Variants in MARK1 observed in about 807,000 individuals in gnomAD.
The protein encoded by MARK1 is serine/threonine-protein kinase MARK1.
Under a neutral mutation model 96.3 loss-of-function variants are expected in MARK1, and 40 were observed. The observed-to-expected ratio is 0.42, with a 90% CI of 0.32 to 0.54. MARK1 has a LOEUF of 0.54. Ranked by LOEUF, MARK1 falls within the 20% of genes least tolerant of loss-of-function variation. The pLI is 0.16. For synonymous variants in MARK1, 317 were observed against 341.2 expected (o/e 0.93, Z 0.78); for missense variants, 719 against 984.6 (o/e 0.73, Z 3.61).
rs1667726365 is a variant in MARK1, at chr1:220,632,413, C to T, written c.1122+100C>T. ...AATCAAAAATAATATAAAGATCCTA[C>T]CCTAACATTCTTATTTATTGGAATT... On this transcript the variant is annotated intron_variant, in intron 11 of 17. Transcript: ENST00000366917. 5 of 517,198 alleles carry T rather than the reference C, an allele frequency of 9.7e-6. No individual in the cohort carries two copies. The South Asian group carries it at 1.3e-4, about 14-fold the overall frequency. The allele number at this position is 517,198 out of a possible 1,614,324, so 32.0% of individuals were successfully genotyped here.
chr1:220,541,240 C>A (rs1334199682), intron 1 of MARK1, among the ~76,000 whole-genome samples: 3 of 152,080 alleles, frequency 2.0e-5, no homozygotes, highest in Non-Finnish European at 4.4e-5. Flanking sequence ...GCCTCTTATT[C>A]TTTAACGTAG....
Position 220,630,988 on chromosome 1 carries a change from G to C in MARK1, c.910-47G>C, listed in dbSNP as rs1219246249. The C allele has an allele frequency of 2.3e-6, 3 of 1,285,692 alleles. No individual in the cohort carries two copies. In the Middle Eastern group the frequency reaches 5.6e-4, roughly 241 times the overall value. 79.6% of individuals were successfully genotyped at this position (1,285,692 alleles called of 1,614,324 possible). A position where few individuals can be genotyped will look rare whatever the true frequency, so the allele number is the denominator to read the frequency against. ...TGCTAAAATAGAGCTATAATAAGTGGCTGAATGTTCTGATTGACCACACAT... is the reference window on the plus strand; with the variant it reads ...TGCTAAAATAGAGCTATAATAAGTGCCTGAATGTTCTGATTGACCACACAT... On this transcript the variant is annotated intron_variant, in intron 9 of 17. Transcript: ENST00000366917.
At chr1:220,655,063 T>A (rs1252716486) in intron 16 of MARK1, among the ~76,000 whole-genome samples, 1 of 152,216 alleles carries the variant, frequency 6.6e-6, no homozygotes, top group Non-Finnish European at 1.5e-5. Flanking sequence ...GTGAGCAACT[T>A]ACTATCTTGA....
At chr1:220,570,002 C>T (rs921962318) in intron 1 of MARK1, among the ~76,000 whole-genome samples, 1 of 152,018 alleles carries the variant, frequency 6.6e-6, no homozygotes, top group African/African-American at 2.4e-5. Flanking sequence ...GAAAGTGTAG[C>T]ACCTACACAC....
At chr1:220,625,788 G>A (rs895998001) in intron 9 of MARK1, 5 of 452,810 alleles carry the variant, frequency 1.1e-5, no homozygotes, top group Middle Eastern at 3.8e-4. Context: ...CTACTACGAC[G>A]GGGATGTTGG....
intron 6 of MARK1, among the ~76,000 whole-genome samples, chr1:220,615,491 G>T (rs751681066): frequency 1.3e-5 from 2 of 152,108 alleles, no homozygotes; most frequent in Non-Finnish European, 2.9e-5. Flanking sequence ...CCTCACTAAA[G>T]AAACATGCCT....
At chr1:220,644,449 ACCCC>A (rs61146086) in intron 13 of MARK1, among the ~76,000 whole-genome samples, 1 of 124,354 alleles carries the variant, frequency 8.0e-6, no homozygotes, top group Non-Finnish European at 1.7e-5. Context: ...AGAGACTTAG[ACCCC>A]CCCCCCCCCA....
At chr1:220,565,534 G>A (rs1268960339) in intron 1 of MARK1, among the ~76,000 whole-genome samples, 2 of 152,024 alleles carry the variant, frequency 1.3e-5, no homozygotes, top group East Asian at 3.9e-4. Context: ...TACATGGCAA[G>A]CCCCTGGTCT....
Position 220,631,028 on chromosome 1 carries a change from T to G in MARK1, c.910-7T>G, listed in dbSNP as rs1171940643. The G allele has an allele frequency of 2.5e-6, 4 of 1,592,940 alleles. No individual in the cohort carries two copies. Among genetic ancestry groups the G allele is most frequent in the Non-Finnish European group, 3.4e-6 (4 of 1,161,428 alleles). On this transcript the variant is annotated splice_region_variant and splice_polypyrimidine_tract_variant and intron_variant, in intron 9 of 17. Coordinates refer to ENST00000366917, the MANE Select transcript of MARK1 (RefSeq NM_018650.5). ...TGACCACACATAATGTAGAGTTTAT[T>G]TCCTAGCAAATAATGAAAGATCGAT... is the stretch of plus-strand genomic sequence containing the variant.
At chr1:220,586,519 T>C (rs1664637659) in intron 3 of MARK1, among the ~76,000 whole-genome samples, 1 of 152,240 alleles carries the variant, frequency 6.6e-6, no homozygotes, top group Admixed American at 6.5e-5. Context: ...TTATTTGTTT[T>C]GGTTTTGGTA....
At chr1:220,639,234 G>C (rs1428130582) in intron 13 of MARK1, among the ~76,000 whole-genome samples, 1 of 152,036 alleles carries the variant, frequency 6.6e-6, no homozygotes, top group East Asian at 1.9e-4. Flanking sequence ...CTGTGCTCCA[G>C]CCTGGGTGAC....
At chr1:220,609,691 A>G (rs908213042) in intron 6 of MARK1, among the ~76,000 whole-genome samples, 13 of 152,272 alleles carry the variant, frequency 8.5e-5, no homozygotes, top group South Asian at 8.3e-4. Context: ...AGTGGCTGGT[A>G]CCAGTTGTTT....
chr1:220,637,835 G>T (rs1159013191), intron 13 of MARK1, among the ~76,000 whole-genome samples: 1 of 151,188 alleles, frequency 6.6e-6, no homozygotes, highest in Non-Finnish European at 1.5e-5. Context: ...GGACAGGAGA[G>T]AAAAAAATTA....
chr1:220,571,166 G>T (rs992716415), intron 1 of MARK1, among the ~76,000 whole-genome samples: 4 of 152,138 alleles, frequency 2.6e-5, no homozygotes, highest in Non-Finnish European at 4.4e-5. Flanking sequence ...TGGCCAGTTT[G>T]CAGAAGGATT....
At chr1:220,603,808 G>A (rs1665899758) in intron 5 of MARK1, among the ~76,000 whole-genome samples, 1 of 152,050 alleles carries the variant, frequency 6.6e-6, no homozygotes, top group Non-Finnish European at 1.5e-5. Context: ...CTTGAAAGCA[G>A]AAAGCAAGTT....
At chr1:220,574,454 G>T (rs993336361) in intron 1 of MARK1, among the ~76,000 whole-genome samples, 2 of 152,056 alleles carry the variant, frequency 1.3e-5, no homozygotes, top group Non-Finnish European at 2.9e-5. Context: ...CAGCCATTTT[G>T]TGAGCTCCCA....
chr1:220,546,028 C>G (rs965267876), intron 1 of MARK1, among the ~76,000 whole-genome samples: 2 of 152,166 alleles, frequency 1.3e-5, no homozygotes, highest in African/African-American at 2.4e-5. Context: ...CTTCACCCCC[C>G]ATCTTTGATG....
chr1:220,574,485 T>C (rs1374851164), intron 1 of MARK1, among the ~76,000 whole-genome samples: 3 of 152,290 alleles, frequency 2.0e-5, no homozygotes, highest in Non-Finnish European at 4.4e-5. Flanking sequence ...CAGACTCCTT[T>C]TTAGCCGAGA....
rs1378503931 is a variant in MARK1, at chr1:220,663,857, A to G, written c.*1691A>G. 1 of 152,376 alleles carries G rather than the reference A, an allele frequency of 6.6e-6. No individual in the cohort carries two copies. Among genetic ancestry groups the G allele is most frequent in the Non-Finnish European group, 1.5e-5 (1 of 67,968 alleles). The allele number at this position is 152,376 out of a possible 1,614,324, so 9.4% of individuals were successfully genotyped here. A position where few individuals can be genotyped will look rare whatever the true frequency, so the allele number is the denominator to read the frequency against. On this transcript the variant is annotated 3_prime_UTR_variant, in exon 18 of 18. Transcript: ENST00000366917. ...CAAAAAAAAATTGATGCAAATCTTT[A>G]TTCACTTTCACTGGTGCACACTGAA...
Sources: gnomAD v4.1 joint callset for allele counts (sites outside exome capture counted in the v4.1 genomes callset) on GRCh38, gnomAD v4.1.1 for gene constraint, MANE v1.5 for transcripts, NCBI Gene and HGNC (gene_info 2026-07-23, HGNC 2026-07-21) for gene names.